ZRANB3: variants seen among roughly 807,000 people sequenced by gnomAD.
The protein encoded by ZRANB3 is zinc finger RANBP2-type containing 3.
In ZRANB3, 125 loss-of-function variants were observed where a neutral mutation model predicts 133.8. The observed-to-expected ratio is 0.93, with a 90% confidence interval of 0.81 to 1.08. The LOEUF (loss-of-function observed/expected upper bound fraction) is 1.08. Among genes scored for constraint, ZRANB3 ranks in the 50% least tolerant of loss-of-function variants. The probability of loss-of-function intolerance (pLI) is 0.00; values close to 1 mark genes in which losing one functional copy is unlikely to be tolerated. For synonymous variants in ZRANB3, 387 were observed against 432.7 expected (o/e 0.89, Z 1.31); for missense variants, 1,229 against 1,275.5 (o/e 0.96, Z 0.56).
chr2:135,529,423 C>T (rs1425761456), intron 1 of ZRANB3, among the ~76,000 whole-genome samples: 9 of 152,000 alleles, frequency 5.9e-5, no homozygotes, highest in Admixed American at 5.2e-4. Flanking sequence ...TCCATGTGGC[C>T]GATGAATAAA....
At position 135,318,212 on chromosome 2, in the gene ZRANB3, T is replaced by TTGTGTGTGTGTG. The variant is rs58455313; in HGVS notation, c.678-2694_678-2683dup. Among the ~76,000 whole-genome samples, 202 of 136,962 alleles carry TTGTGTGTGTGTG rather than the reference T, an allele frequency of 1.5e-3. 1 individual carries two copies. The highest frequency in any genetic ancestry group is 6.0e-3 in the East Asian group (28 of 4,672). The allele number at this position is 136,962 out of a possible 152,430, so 89.9% of individuals were successfully genotyped here. A position where few individuals can be genotyped will look rare whatever the true frequency, so the allele number is the denominator to read the frequency against. ...TTTCCTATGCTATTTACACACTATT[T>TTGTGTGTGTGTG]TGTGTGTGTGTGTGTGTGTGTGTGT... On this transcript the variant is annotated intron_variant, in intron 6 of 20. Coordinates refer to ENST00000264159, the MANE Select transcript of ZRANB3 (RefSeq NM_032143.4).
chr2:135,216,253 C>T (rs1312272087), intron 17 of ZRANB3, among the ~76,000 whole-genome samples: 1 of 152,094 alleles, frequency 6.6e-6, no homozygotes, highest in Non-Finnish European at 1.5e-5. Context: ...TGTTCTCGGT[C>T]CCTTGCTCCC....
Position 135,341,033 on chromosome 2 carries a change from T to C in ZRANB3, c.677+4517A>G, listed in dbSNP as rs1164968324. ...AGACAACTGACTATTTATTGATTGATTGATTGATTTTGAGATGGAGTCTTG... is the reference window on the plus strand; with the variant it reads ...AGACAACTGACTATTTATTGATTGACTGATTGATTTTGAGATGGAGTCTTG... On this transcript the variant is annotated intron_variant, in intron 6 of 20. Coordinates refer to ENST00000264159, the MANE Select transcript of ZRANB3 (RefSeq NM_032143.4). Among the ~76,000 whole-genome samples the C allele has an allele frequency of 4.0e-5, 6 of 149,744 alleles. No individual in the cohort carries two copies. In the East Asian group the frequency reaches 7.7e-4, roughly 19 times the overall value.
chr2:135,243,343 G>T (rs1202719603), intron 12 of ZRANB3, among the ~76,000 whole-genome samples: 1 of 152,086 alleles, frequency 6.6e-6, no homozygotes, highest in African/African-American at 2.4e-5. Flanking sequence ...GTGAAACCCC[G>T]TCTCTACTAA....
At chr2:135,506,741 G>C (rs907547792) in intron 1 of ZRANB3, among the ~76,000 whole-genome samples, 1 of 152,132 alleles carries the variant, frequency 6.6e-6, no homozygotes, top group Non-Finnish European at 1.5e-5. Context: ...TTAAACAGGG[G>C]AATGACACAA....
At position 135,315,400 on chromosome 2, in the gene ZRANB3, T is replaced by C; in HGVS notation, c.808A>G (p.Arg270Gly). Residue 270 changes from arginine (R) to glycine (G), a missense_variant, in exon 7 of 21, where the codon AGA becomes GGA. Coordinates refer to ENST00000264159, the MANE Select transcript of ZRANB3 (RefSeq NM_032143.4). Reference protein sequence around the residue: ...EVLTQLPPKVRQRIPFDLPSA... With the variant: ...EVLTQLPPKVGQRIPFDLPSA... ...GGAAGATCAAATGGAATACGCTGTC[T>C]GACTTTAGGGGGTAGCTGGGTTAAA... 1 of 1,602,982 alleles carries C rather than the reference T, an allele frequency of 6.2e-7. No individual in the cohort carries two copies. Among genetic ancestry groups the C allele is most frequent in the Non-Finnish European group, 8.5e-7 (1 of 1,176,094 alleles).
In ZRANB3 at chr2:135,413,181, G is replaced by A. The variant is rs188422813; in HGVS notation, c.162-22361C>T. ...GGACACTTCGGATATATCCTTCCAC[G>A]TGCTTCTGAACATTGCTGAGTAAGG... On this transcript the variant is annotated intron_variant, in intron 2 of 20. Transcript: ENST00000264159. Among the ~76,000 whole-genome samples, 7 of 152,042 alleles carry A rather than the reference G, an allele frequency of 4.6e-5. No individual in the cohort carries two copies. In the East Asian group the frequency reaches 1.2e-3, roughly 25 times the overall value.
chr2:135,378,314 G>A (rs540327881), intron 3 of ZRANB3, among the ~76,000 whole-genome samples: 235 of 152,180 alleles, frequency 1.5e-3, no homozygotes, highest in South Asian at 5.8e-3. Flanking sequence ...CCAACATGGC[G>A]AAAGCCGGTC....
chr2:135,335,104 C>A (rs1179263165), intron 6 of ZRANB3, among the ~76,000 whole-genome samples: 2 of 152,056 alleles, frequency 1.3e-5, no homozygotes, highest in African/African-American at 4.8e-5. Flanking sequence ...TTGAAGCTGA[C>A]AATGACCCAT....
intron 2 of ZRANB3, among the ~76,000 whole-genome samples, chr2:135,467,019 C>A (rs1171040789): frequency 6.6e-6 from 1 of 152,074 alleles, no homozygotes; most frequent in Non-Finnish European, 1.5e-5. Flanking sequence ...AGGTTAGATT[C>A]TTTAAGTGTG....
intron 2 of ZRANB3, among the ~76,000 whole-genome samples, chr2:135,450,634 G>C (rs1250128960): frequency 6.6e-6 from 1 of 151,332 alleles, no homozygotes; most frequent in Non-Finnish European, 1.5e-5. Flanking sequence ...TGAAAACAAA[G>C]AAACAAAAAA....
chr2:135,448,798 A>T (rs1268284068), intron 2 of ZRANB3, among the ~76,000 whole-genome samples: 1 of 152,236 alleles, frequency 6.6e-6, no homozygotes, highest in Admixed American at 6.5e-5. Flanking sequence ...ATTGTATGTG[A>T]AATGTGTGTA....
Position 135,350,105 on chromosome 2 carries a change from T to A in ZRANB3, c.470A>T (p.Asp157Val). 1 of 1,613,710 alleles carries A rather than the reference T, an allele frequency of 6.2e-7. No individual in the cohort carries two copies. The highest frequency in any genetic ancestry group is 1.7e-5 in the Admixed American group (1 of 60,014). ...TCTGGATTTCATGTAGTGTGATTCA[T>A]CCACTATAACTACTTTGAAGTTCTG... is the stretch of plus-strand genomic sequence containing the variant. Reference protein sequence around the residue: ...NNQNFKVVIVDESHYMKSRNA... With the variant: ...NNQNFKVVIVVESHYMKSRNA... Residue 157 changes from aspartate (D) to valine (V), a missense_variant, in exon 5 of 21, where the codon GAT (aspartate) becomes GTT (valine). Asp to Val is a radical substitution (Grantham distance 152). Coordinates refer to ENST00000264159, the MANE Select transcript of ZRANB3 (RefSeq NM_032143.4).
chr2:135,203,876 C>T (rs1260363273), intron 19 of ZRANB3, among the ~76,000 whole-genome samples: 1 of 152,100 alleles, frequency 6.6e-6, no homozygotes, highest in African/African-American at 2.4e-5. Context: ...TAGGCCAGTC[C>T]ATATATACAC....
intron 2 of ZRANB3, among the ~76,000 whole-genome samples, chr2:135,420,372 C>T (rs944853698): frequency 2.0e-5 from 3 of 151,932 alleles, no homozygotes; most frequent in African/African-American, 7.2e-5. Context: ...TATTTTTAGA[C>T]ATCACCGTGG....
intron 12 of ZRANB3, among the ~76,000 whole-genome samples, chr2:135,245,669 G>A (rs921719145): frequency 2.0e-5 from 3 of 151,826 alleles, no homozygotes; most frequent in Middle Eastern, 3.4e-3. Context: ...GCTCACGCCT[G>A]TAATCCCAGC....
At chr2:135,518,835 T>C (rs1045107663) in intron 1 of ZRANB3, among the ~76,000 whole-genome samples, 2 of 152,166 alleles carry the variant, frequency 1.3e-5, no homozygotes, top group African/African-American at 4.8e-5. Flanking sequence ...ACTGAGAAGA[T>C]CTATCTGCTG....
intron 15 of ZRANB3, among the ~76,000 whole-genome samples, chr2:135,221,836 A>C (rs969996087): frequency 6.6e-6 from 1 of 152,028 alleles, no homozygotes; most frequent in Non-Finnish European, 1.5e-5. Context: ...AGGAGCATTG[A>C]TTACTGCCTG....
chr2:135,517,372 G>C (rs1574242598), intron 1 of ZRANB3, among the ~76,000 whole-genome samples: 1 of 152,198 alleles, frequency 6.6e-6, no homozygotes, highest in East Asian at 1.9e-4. Context: ...GGAATTTTCA[G>C]CCTTTTTGTG....
Sources: gnomAD v4.1 joint callset for allele counts (sites outside exome capture counted in the v4.1 genomes callset) on GRCh38, gnomAD v4.1.1 for gene constraint, MANE v1.5 for transcripts, NCBI Gene and HGNC (gene_info 2026-07-23, HGNC 2026-07-21) for gene names.